NDOR1: variants seen among roughly 807,000 people sequenced by gnomAD.
NDOR1 encodes NADPH dependent diflavin oxidoreductase 1.
Under a neutral mutation model 67.2 loss-of-function variants are expected in NDOR1, and 61 were observed. That is an observed-to-expected ratio of 0.91 (90% CI 0.74 to 1.12). The LOEUF (loss-of-function observed/expected upper bound fraction) is 1.12. NDOR1 is among the 50% of genes most tolerant of loss of function. NDOR1 has a pLI of 0.00. For missense variants in NDOR1, 878 were observed against 802.8 expected (o/e 1.09, Z -1.13); for synonymous variants, 378 against 343.7 (o/e 1.10, Z -1.10).
rs1300391809 is a variant in NDOR1 at position 137,214,801 on chromosome 9, T to G, written c.848T>G (p.Val283Gly). Residue 283 changes from valine (V) to glycine (G), a missense_variant, in exon 8 of 14, where the codon GTC becomes GGC. By Grantham distance (109) the Val-to-Gly change is moderately radical (BLOSUM62 -3). Transcript: ENST00000684003. ...AGGCCTCCCACTCACCCTGCAGATG[T>G]CTCCTCCCCCACGAGGCTGCCCCAG... ...LFMLQPREPDVSSPTRLPQPC... is the reference protein window; with the variant it reads ...LFMLQPREPDGSSPTRLPQPC... The G allele has an allele frequency of 6.2e-7, 1 of 1,601,770 alleles. No individual in the cohort carries two copies. Among genetic ancestry groups the G allele is most frequent in the Non-Finnish European group, 8.5e-7 (1 of 1,177,664 alleles).
rs1203595729 is a variant in NDOR1, at chr9:137,212,542, C to T, written c.254C>T (p.Thr85Ile). 2 of 1,614,144 alleles carry T rather than the reference C, an allele frequency of 1.2e-6. No homozygotes were observed. Among genetic ancestry groups the T allele is most frequent in the Admixed American group, 3.3e-5 (2 of 60,026 alleles). ...RFIFRKNLPS[T>I]ALCQMDFAVL... is the part of the protein sequence containing the mutation. ...ATATTCCGGAAGAACCTGCCCTCCA[C>T]TGCCCTCTGTCAGATGGACTTTGCC... The change falls in exon 3 of 14, where the codon ACT (threonine) becomes ATT (isoleucine). Residue 85 changes from threonine to isoleucine, a missense_variant. Thr to Ile is a moderately conservative substitution (Grantham distance 89). Coordinates refer to ENST00000684003, the MANE Select transcript of NDOR1 (RefSeq NM_014434.4). This position sits in a 1 kb window ranked among gnomAD's most constrained non-coding sequence, Gnocchi z 4.3.
rs937940405 is a variant in NDOR1, at chr9:137,214,328, A to G, written c.637A>G (p.Met213Val). Residue 213 changes from methionine to valine, a missense_variant, in exon 6 of 14, where the codon ATG becomes GTG. Transcript: ENST00000684003. The part of the protein sequence containing the change: ...PSESKPFLAP[M>V]ISNQRVTGPS... The stretch of plus-strand genomic sequence containing the variant: ...AGAGTCGAAGCCCTTCCTAGCACCC[A>G]TGATCTCCAACCAGAGAGTCACCGG... 6 of 1,613,962 alleles carry G rather than the reference A, an allele frequency of 3.7e-6. No individual in the cohort carries two copies. The highest frequency in any genetic ancestry group is 3.4e-6 in the Non-Finnish European group (4 of 1,180,016).
intron 5 of NDOR1, 50 bp downstream of exon 5, chr9:137,214,118 C>T: frequency 2.6e-6 from 4 of 1,529,386 alleles, no homozygotes; most frequent in Non-Finnish European, 3.5e-6. Context: ...CCAACCTGGC[C>T]TGGGGACCTC....
At position 137,215,685 on chromosome 9, in the gene NDOR1, C is replaced by T. The variant is rs757382435; in HGVS notation, c.1315C>T (p.Arg439Trp). 1.1e-5 allele frequency: 17 copies of T among 1,576,828 alleles called. No homozygotes were observed. The highest frequency in any genetic ancestry group is 1.1e-4 in the Admixed American group (6 of 55,698). Reference protein sequence around the residue: ...QGPVRVPLWVRPGSLAFPETP... With the variant: ...QGPVRVPLWVWPGSLAFPETP... ...ACCTGTCCGGGTGCCCCTCTGGGTG[C>T]GGCCTGGGAGTCTGGCCTTCCCAGA... Residue 439 changes from arginine (R) to tryptophan (W), a missense_variant, in exon 11 of 14, where the codon CGG becomes TGG. Physicochemically the swap from Arg to Trp is moderately radical, Grantham distance 101 (BLOSUM62 -3). Coordinates refer to ENST00000684003, the MANE Select transcript of NDOR1 (RefSeq NM_014434.4).
chr9:137,218,749 A>G lies in NDOR1; in HGVS notation c.*2333A>G, dbSNP rs1171580344. On this transcript the variant is annotated 3_prime_UTR_variant, in exon 14 of 14. Coordinates refer to ENST00000684003, the MANE Select transcript of NDOR1 (RefSeq NM_014434.4). ...CAGTGGCCTTCAATCAAGACCTCCC[A>G]TTGCTGAACCCACAACCAGGGCTAC... The G allele has an allele frequency of 1.0e-5, 4 of 397,080 alleles. No homozygotes were observed. The highest frequency in any genetic ancestry group is 4.4e-5 in the Admixed American group (1 of 22,680). 24.6% of individuals were successfully genotyped at this position (397,080 alleles called of 1,614,324 possible). A position where few individuals can be genotyped will look rare whatever the true frequency, so the allele number is the denominator to read the frequency against.
chr9:137,214,696 G>T lies in NDOR1; in HGVS notation c.844+5G>T. The stretch of plus-strand genomic sequence containing the variant: ...TGCTGCAGCCGCGGGAGCCAGGTGA[G>T]CCCAGCCTCGGCCACCCTGACTCTC... On this transcript the variant is annotated splice_donor_5th_base_variant and intron_variant, in intron 7 of 13. Coordinates refer to ENST00000684003, the MANE Select transcript of NDOR1 (RefSeq NM_014434.4). 6.2e-7 allele frequency: 1 copy of T among 1,601,694 alleles called. No individual in the cohort carries two copies.
chr9:137,205,861 C>T lies in NDOR1; in HGVS notation c.84C>T (p.Ala28=). 1 of 1,601,512 alleles carries T rather than the reference C, an allele frequency of 6.2e-7. No homozygotes were observed. The part of the protein sequence containing the change: ...QDVSERLGRE[A]RRRRLGCRVQ... ...TGTCGGAGAGACTGGGTCGCGAGGC[C>T]CGGCGCCGGCGGCTTGGCTGCCGGG... The change falls in exon 1 of 14, where the codon GCC becomes GCT. Residue 28 remains alanine (A), a synonymous_variant. Coordinates refer to ENST00000684003, the MANE Select transcript of NDOR1 (RefSeq NM_014434.4).
At chr9:137,207,170 A>C (rs1458681537) in intron 2 of NDOR1, among the ~76,000 whole-genome samples, 1 of 152,138 alleles carries the variant, frequency 6.6e-6, no homozygotes, top group African/African-American at 2.4e-5. Flanking sequence ...ACTGGTCTGC[A>C]GGACAGCAGG....
At chr9:137,207,265 T>G (rs746448149) in intron 2 of NDOR1, among the ~76,000 whole-genome samples, 4 of 151,560 alleles carry the variant, frequency 2.6e-5, no homozygotes, top group Non-Finnish European at 5.9e-5. Flanking sequence ...GTGGACACAT[T>G]GCAGTGGTGT....
In NDOR1 at chr9:137,212,246, T is replaced by TA. The variant is rs765152289; in HGVS notation, c.214-255dup. Among the ~76,000 whole-genome samples, 3 of 152,194 alleles carry TA rather than the reference T, an allele frequency of 2.0e-5. No individual in the cohort carries two copies. Among genetic ancestry groups the TA allele is most frequent in the South Asian group, 4.1e-4 (2 of 4,822 alleles). On this transcript the variant is annotated intron_variant, in intron 2 of 13. Coordinates refer to ENST00000684003, the MANE Select transcript of NDOR1 (RefSeq NM_014434.4). The surrounding 1 kb of genome is among the most constrained non-coding windows in gnomAD (Gnocchi z 4.3). ...AGGAAGGAAGCTCCACGCAGGCCTG[T>TA]AGAGCACAGCAGGGTCTGGCTCCTG...
intron 13 of NDOR1, 30 bp from the exon 14 acceptor site, chr9:137,216,242 C>T (rs1204272019): frequency 6.2e-7 from 1 of 1,612,966 alleles, no homozygotes. Flanking sequence ...TGCCAGGCCT[C>T]ATTGCGCCTT....
intron 2 of NDOR1, among the ~76,000 whole-genome samples, chr9:137,209,366 G>A (rs543479388): frequency 6.6e-6 from 1 of 152,298 alleles, no homozygotes; most frequent in South Asian, 2.1e-4. Flanking sequence ...GGGGAATGGT[G>A]GGATAGGGAA....
rs1371176299 is a variant in NDOR1, at chr9:137,214,403, T to C, written c.712T>C (p.Ser238Pro). 6.2e-7 allele frequency: 1 copy of C among 1,614,100 alleles called. No individual in the cohort carries two copies. Among genetic ancestry groups the C allele is most frequent in the Non-Finnish European group, 8.5e-7 (1 of 1,180,012 alleles). ...VRLIEFDILG[S>P]GISFAAGDVV... The stretch of plus-strand genomic sequence containing the variant: ...GCTGATTGAGTTTGACATCTTGGGC[T>C]CTGGCATCAGGTGGGGACTGCTGGG... The change falls in exon 6 of 14, where the codon TCT (serine) becomes CCT (proline). Residue 238 changes from serine to proline, a missense_variant. Physicochemically the swap from Ser to Pro is moderately conservative, Grantham distance 74. Transcript: ENST00000684003.
rs1430509576 is a variant in NDOR1 at position 137,212,018 on chromosome 9, AGT to A, written c.214-480_214-479del. On this transcript the variant is annotated intron_variant, in intron 2 of 13. Coordinates refer to ENST00000684003, the MANE Select transcript of NDOR1 (RefSeq NM_014434.4). The surrounding 1 kb of genome is among the most constrained non-coding windows in gnomAD (Gnocchi z 4.3). ...GCGACACTGGAACCTCAGAGGGCCGAGTGTGAGAGCCCTTGGGATGGACCTCA... is the reference window on the plus strand; with the variant it reads ...GCGACACTGGAACCTCAGAGGGCCGAGTGAGAGCCCTTGGGATGGACCTCA... 1.3e-5 allele frequency among the ~76,000 whole-genome samples: 2 copies of A among 152,056 alleles called. No homozygotes were observed. The highest frequency in any genetic ancestry group is 4.8e-5 in the African/African-American group (2 of 41,392).
At position 137,216,165 on chromosome 9, in the gene NDOR1, G is replaced by C; in HGVS notation, c.1626G>C (p.Gln542His). ...GSLVWELLDR[Q>H]GAYFYLAGNA... is the part of the protein sequence containing the mutation. ...TTGTGTGGGAACTGCTGGACCGCCA[G>C]GGTGCATACTTCTACCTGGCAGGGT... is the stretch of plus-strand genomic sequence containing the variant. Residue 542 changes from glutamine (Q) to histidine (H), a missense_variant, in exon 13 of 14, where the codon CAG (glutamine) becomes CAC (histidine). Transcript: ENST00000684003. The C allele has an allele frequency of 1.2e-6, 2 of 1,613,574 alleles. No homozygotes were observed. The highest frequency in any genetic ancestry group is 1.7e-6 in the Non-Finnish European group (2 of 1,180,032).
At chr9:137,213,221 G>C (rs1422907408) in intron 3 of NDOR1, among the ~76,000 whole-genome samples, 1 of 152,242 alleles carries the variant, frequency 6.6e-6, no homozygotes, top group Non-Finnish European at 1.5e-5. Flanking sequence ...GTAGGTCCGT[G>C]CATGACGTTG....
intron 2 of NDOR1, among the ~76,000 whole-genome samples, chr9:137,208,308 G>A (rs143839709): frequency 2.3e-4 from 34 of 150,642 alleles, no homozygotes; most frequent in Admixed American, 2.6e-4. Context: ...AAAACTAGCC[G>A]GATGTGGTGG....
chr9:137,214,931 G>C lies in NDOR1; in HGVS notation c.978G>C (p.Glu326Asp). Residue 326 changes from glutamate (E) to aspartate (D), a missense_variant, in exon 8 of 14, where the codon GAG (glutamate) becomes GAC (aspartate). Coordinates refer to ENST00000684003, the MANE Select transcript of NDOR1 (RefSeq NM_014434.4). ...CCTGTCTATCCCTCCATGAGCTGGA[G>C]CGGGAGAAGCTGCTGGAGTTCAGTT... ...LLACLSLHEL[E>D]REKLLEFSSA... 6.2e-7 allele frequency: 1 copy of C among 1,613,378 alleles called. No homozygotes were observed. Among genetic ancestry groups the C allele is most frequent in the Non-Finnish European group, 8.5e-7 (1 of 1,180,032 alleles).
chr9:137,206,142 G>A (rs1269794693), intron 1 of NDOR1, 90 bp from the exon 2 acceptor site: 2 of 1,535,054 alleles, frequency 1.3e-6, no homozygotes, highest in Non-Finnish European at 1.8e-6. Flanking sequence ...TGCCCTGTCA[G>A]CCTGAGTAAA....
Sources: allele counts gnomAD v4.1 joint callset (sites outside exome capture counted in the v4.1 genomes callset), GRCh38; gene constraint gnomAD v4.1.1; non-coding constraint Gnocchi (gnomAD v3.1); transcripts MANE v1.5; gene names NCBI Gene and HGNC (gene_info 2026-07-23, HGNC 2026-07-21).